The following CREB5 variants were observed in gnomAD, a reference collection of about 807,000 sequenced individuals.
CREB5 encodes the protein cAMP responsive element binding protein 5, also known as cyclic AMP-responsive element-binding protein 5.
A neutral mutation model predicts 57.1 loss-of-function variants in CREB5; 19 were observed. That is an observed-to-expected ratio of 0.33 (90% confidence interval 0.23 to 0.49). CREB5 has a LOEUF of 0.49. Ranked by LOEUF, CREB5 falls within the 20% of genes least tolerant of loss-of-function variation. CREB5 has a pLI of 0.99. For missense variants in CREB5, 579 were observed against 671.6 expected (o/e 0.86, Z 1.52); for synonymous variants, 238 against 238.3 (o/e 1.00, Z 0.01).
intron 5 of CREB5, among the ~76,000 whole-genome samples, chr7:28,666,745 A>G (rs1332794527): frequency 6.6e-6 from 1 of 151,896 alleles, no homozygotes; most frequent in African/African-American, 2.4e-5. Context: ...GGGGATCAGG[A>G]TCACCTGAGC....
chr7:28,688,265 C>A (rs1029721950), intron 5 of CREB5, among the ~76,000 whole-genome samples: 7 of 152,250 alleles, frequency 4.6e-5, no homozygotes, highest in Admixed American at 3.3e-4. Context: ...GGTGAGACTG[C>A]CAAAAAGAGT....
At chr7:28,448,558 T>A (rs909173155) in intron 1 of CREB5, among the ~76,000 whole-genome samples, 2 of 152,226 alleles carry the variant, frequency 1.3e-5, no homozygotes, top group African/African-American at 4.8e-5. Flanking sequence ...CTGTTGGATT[T>A]AACTACTCTC....
chr7:28,697,950 G>T (rs1007859702), intron 5 of CREB5, among the ~76,000 whole-genome samples: 1 of 152,108 alleles, frequency 6.6e-6, no homozygotes, highest in African/African-American at 2.4e-5. Flanking sequence ...AATTTTCTGG[G>T]TTCTCAAAAA....
rs138594900 is a variant in CREB5, at chr7:28,685,307, G to A, written c.465-33446G>A. The stretch of plus-strand genomic sequence containing the variant: ...GTCTTTTTCCTTTAGCACCTGACAG[G>A]GTGACCCATAGGGGCCAAGGGAGAA... On this transcript the variant is annotated intron_variant, in intron 5 of 10. Coordinates refer to ENST00000357727, the MANE Select transcript of CREB5 (RefSeq NM_182898.4). 6.6e-3 allele frequency among the ~76,000 whole-genome samples: 1,001 copies of A among 152,270 alleles called. 9 individuals are homozygous for A. The highest frequency in any genetic ancestry group is 0.023 in the African/African-American group (935 of 41,536).
At chr7:28,463,885 G>A (rs566723311) in intron 1 of CREB5, among the ~76,000 whole-genome samples, 1 of 152,166 alleles carries the variant, frequency 6.6e-6, no homozygotes, top group Admixed American at 6.5e-5. Context: ...TAGTTTTAAT[G>A]GGTCCTTTCC....
intron 5 of CREB5, among the ~76,000 whole-genome samples, chr7:28,573,875 A>G (rs1795800003): frequency 1.3e-5 from 2 of 152,364 alleles, no homozygotes; most frequent in African/African-American, 4.8e-5. Context: ...AAAAGGAAGT[A>G]GACAAACAAC....
chr7:28,596,416 A>G (rs1371318331), intron 5 of CREB5, among the ~76,000 whole-genome samples: 1 of 152,250 alleles, frequency 6.6e-6, no homozygotes, highest in Non-Finnish European at 1.5e-5. Flanking sequence ...CTACACTGCA[A>G]CTTATTTCCA....
At chr7:28,321,245 CTCT>C (rs1785490562) in intron 1 of CREB5, among the ~76,000 whole-genome samples, 2 of 152,122 alleles carry the variant, frequency 1.3e-5, no homozygotes, top group South Asian at 4.1e-4. Context: ...CTTCATCCTC[CTCT>C]TCTTTTTCCT....
At chr7:28,669,923 C>T (rs1472988354) in intron 5 of CREB5, among the ~76,000 whole-genome samples, 1 of 152,212 alleles carries the variant, frequency 6.6e-6, no homozygotes, top group Non-Finnish European at 1.5e-5. Context: ...GGGGAGCCCC[C>T]GCTACCTTGG....
At chr7:28,398,460 A>C (rs1244505705) in intron 1 of CREB5, among the ~76,000 whole-genome samples, 1 of 152,342 alleles carries the variant, frequency 6.6e-6, no homozygotes, top group Non-Finnish European at 1.5e-5. Context: ...CTGATGAATC[A>C]GTTTACAAAT....
At position 28,553,335 on chromosome 7, in the gene CREB5, C is replaced by T. The variant is rs377473403; in HGVS notation, c.292-17030C>T. On this transcript the variant is annotated intron_variant, in intron 4 of 10. Coordinates refer to ENST00000357727, the MANE Select transcript of CREB5 (RefSeq NM_182898.4). ...GCCTTTCATGGATGCCTTGTGTTGC[C>T]TTTGCTCAAGAAAATACATTTTAAA... Among the ~76,000 whole-genome samples, 8 of 152,294 alleles carry T rather than the reference C, an allele frequency of 5.3e-5. No individual in the cohort carries two copies. The South Asian group carries it at 8.3e-4, about 16-fold the overall frequency.
At chr7:28,559,983 T>C (rs1795016557) in intron 4 of CREB5, among the ~76,000 whole-genome samples, 1 of 152,122 alleles carries the variant, frequency 6.6e-6, no homozygotes, top group Non-Finnish European at 1.5e-5. Flanking sequence ...AAGATGAACC[T>C]GAAAAGGGGA....
chr7:28,663,588 A>T (rs577729030), intron 5 of CREB5, among the ~76,000 whole-genome samples: 45 of 152,216 alleles, frequency 3.0e-4, no homozygotes, highest in Non-Finnish European at 2.6e-4. Context: ...TTCCGTTTTC[A>T]TATTTGCCAG....
intron 5 of CREB5, among the ~76,000 whole-genome samples, chr7:28,642,105 G>T (rs897646206): frequency 3.3e-5 from 5 of 152,166 alleles, no homozygotes; most frequent in Non-Finnish European, 7.4e-5. Flanking sequence ...GAGTCTCATT[G>T]TTCTTTGTTG....
intron 7 of CREB5, among the ~76,000 whole-genome samples, chr7:28,752,469 C>T (rs2128764286): frequency 6.6e-6 from 1 of 152,332 alleles, no homozygotes; most frequent in Non-Finnish European, 1.5e-5. Context: ...GCTCAGCCTT[C>T]TCTTTGTAAT....
chr7:28,713,479 A>G (rs560580476), intron 5 of CREB5, among the ~76,000 whole-genome samples: 86 of 152,308 alleles, frequency 5.6e-4, no homozygotes, highest in Non-Finnish European at 9.3e-4. Flanking sequence ...TTTTAGGAAC[A>G]CCTTCTATTT....
intron 8 of CREB5, among the ~76,000 whole-genome samples, chr7:28,808,712 CTTTTTTTTTTTTT>C (rs59374546): frequency 3.5e-4 from 29 of 83,194 alleles, no homozygotes; most frequent in African/African-American, 1.5e-3. Flanking sequence ...CCAATTTTTC[CTTTTTTTTTTTTT>C]TTTTTTTTTT....
chr7:28,523,958 T>C (rs1793316905), intron 4 of CREB5, among the ~76,000 whole-genome samples: 1 of 152,222 alleles, frequency 6.6e-6, no homozygotes, highest in Non-Finnish European at 1.5e-5. Context: ...ATCACAGGGC[T>C]CTGCCTGTCT....
chr7:28,377,305 A>G (rs1430440300), intron 1 of CREB5, among the ~76,000 whole-genome samples: 1 of 152,162 alleles, frequency 6.6e-6, no homozygotes, highest in Non-Finnish European at 1.5e-5. Flanking sequence ...TACACACAAG[A>G]TTTCAAAAAC....
Sources: allele counts gnomAD v4.1 joint callset (sites outside exome capture counted in the v4.1 genomes callset), GRCh38; gene constraint gnomAD v4.1.1; transcripts MANE v1.5; gene names NCBI Gene and HGNC (gene_info 2026-07-23, HGNC 2026-07-21).